Variants in SLC11A2 observed in about 807,000 individuals in gnomAD.
SLC11A2 encodes solute carrier family 11 member 2.
In SLC11A2, 38 loss-of-function variants were observed where a neutral mutation model predicts 68.0. The ratio of observed to expected loss-of-function variants is 0.56; its 90% confidence interval spans 0.43 to 0.73. SLC11A2 has a LOEUF of 0.73. Among genes scored for constraint, SLC11A2 ranks in the 30% least tolerant of loss-of-function variants. SLC11A2 has a pLI of 0.00. For synonymous variants in SLC11A2, 242 were observed against 250.6 expected (o/e 0.97, Z 0.32); for missense variants, 517 against 690.5 (o/e 0.75, Z 2.82).
At chr12:51,005,818 G>A (rs939984157) in intron 3 of SLC11A2, 15 of 537,092 alleles carry the variant, frequency 2.8e-5, no homozygotes, top group Admixed American at 2.4e-4. Context: ...GGGACACTGA[G>A]GAGAGCAAAC....
In SLC11A2 at chr12:51,010,757, G is replaced by A; in HGVS notation, c.-29C>T. On this transcript the variant is annotated 5_prime_UTR_variant, in exon 2 of 16. Coordinates refer to ENST00000262052, the MANE Select transcript of SLC11A2 (RefSeq NM_000617.3). The stretch of plus-strand genomic sequence containing the variant: ...GGATACCTGAGTGGCTGAGTTCTTA[G>A]AATATGATTCTGGAAAGGAGAAAAG... 6.3e-7 allele frequency: 1 copy of A among 1,597,276 alleles called. No homozygotes were observed. The highest frequency in any genetic ancestry group is 8.6e-7 in the Non-Finnish European group (1 of 1,167,294).
rs1941614402 is a variant in SLC11A2, at chr12:50,995,462, T to A, written c.990+167A>T. The stretch of plus-strand genomic sequence containing the variant: ...GAGGGTCCAGGCTTGGTCAGCCCCA[T>A]ACTGTAGACTCTGACTGGTGCACAG... On this transcript the variant is annotated intron_variant, in intron 10 of 15. Transcript: ENST00000262052. Among the ~76,000 whole-genome samples, 3 of 152,172 alleles carry A rather than the reference T, an allele frequency of 2.0e-5. No homozygotes were observed. In the South Asian group the frequency reaches 6.2e-4, roughly 32 times the overall value.
Position 51,008,601 on chromosome 12 carries a change from C to T in SLC11A2, c.58G>A (p.Glu20Lys). The T allele has an allele frequency of 6.2e-7, 1 of 1,612,690 alleles. No individual in the cohort carries two copies. Among genetic ancestry groups the T allele is most frequent in the Non-Finnish European group, 8.5e-7 (1 of 1,178,800 alleles). The change falls in exon 3 of 16, where the codon GAG (glutamate) becomes AAG (lysine). Residue 20 changes from glutamate to lysine, a missense_variant. Physicochemically the swap from Glu to Lys is moderately conservative, Grantham distance 56 (BLOSUM62 1). Coordinates refer to ENST00000262052, the MANE Select transcript of SLC11A2 (RefSeq NM_000617.3). ...SDDSVSGDHG[E>K]SASLGNINPA... Reference sequence around the variant, plus strand: ...TTGATGTTACCAAGACTGGCAGACTCCCCATGATCTCCAGAAACACTGTCT... The same window carrying T: ...TTGATGTTACCAAGACTGGCAGACTTCCCATGATCTCCAGAAACACTGTCT...
intron 6 of SLC11A2, 114 bp downstream of exon 6, chr12:51,000,199 A>G: frequency 1.3e-6 from 1 of 774,888 alleles, no homozygotes; most frequent in Non-Finnish European, 2.2e-6. Flanking sequence ...GTTCCACAGA[A>G]GAAATAACAA....
rs954460640 is a variant in SLC11A2 at position 50,992,730 on chromosome 12, C to CAA, written c.1197+78_1197+79dup. The CAA allele has an allele frequency of 2.6e-3, 2,384 of 929,894 alleles. 1 individual carries two copies. The highest frequency in any genetic ancestry group is 4.3e-3 in the Middle Eastern group (13 of 3,000). 57.6% of individuals were successfully genotyped at this position (929,894 alleles called of 1,614,324 possible). ...TTGGGCGACGAGTGAGACTCCATCT[C>CAA]AAAAAAAAAAAAAAAAGAAGAAGAA... On this transcript the variant is annotated intron_variant, in intron 12 of 15. Coordinates refer to ENST00000262052, the MANE Select transcript of SLC11A2 (RefSeq NM_000617.3).
chr12:51,026,105 T>C, intron 1 of SLC11A2: 1 of 1,092,738 alleles, frequency 9.2e-7, no homozygotes, highest in Non-Finnish European at 1.1e-6. Context: ...CTTTGGGTCT[T>C]TCTCTGAATG....
intron 1 of SLC11A2, among the ~76,000 whole-genome samples, chr12:51,023,433 C>T (rs773322628): frequency 2.0e-5 from 3 of 152,110 alleles, no homozygotes; most frequent in Non-Finnish European, 2.9e-5. Context: ...GGCAAGAGAG[C>T]GAGACCCTGT....
chr12:50,983,778 C>G (rs1940281438), downstream of SLC11A2, among the ~76,000 whole-genome samples: 1 of 152,124 alleles, frequency 6.6e-6, no homozygotes, highest in Non-Finnish European at 1.5e-5. Context: ...TGAGACCAGC[C>G]TGGCCAACAT....
downstream of SLC11A2, among the ~76,000 whole-genome samples, chr12:50,982,320 A>G (rs577420819): frequency 5.9e-5 from 9 of 152,188 alleles, no homozygotes; most frequent in Non-Finnish European, 1.2e-4. Context: ...GAATCACCGA[A>G]GCTGCTTTTA....
intron 1 of SLC11A2, among the ~76,000 whole-genome samples, chr12:51,025,028 C>T (rs1187578698): frequency 6.6e-6 from 1 of 152,042 alleles, no homozygotes. Context: ...TTTCATTTAC[C>T]CAACACAGGT....
rs2136221838 is a variant in SLC11A2, at chr12:50,996,874, G to A, written c.774C>T (p.Gly258=). The A allele has an allele frequency of 6.2e-7, 1 of 1,613,962 alleles. No individual in the cohort carries two copies. Among genetic ancestry groups the A allele is most frequent in the Non-Finnish European group, 8.5e-7 (1 of 1,179,916 alleles). The part of the protein sequence containing the change: ...CRTPQIEQAV[G]IVGAVIMPHN... ...GTGGCATGATGACAGCTCCCACGAT[G>A]CCCACAGCCTGTTCAATCTGTGGAG... is the stretch of plus-strand genomic sequence containing the variant. Residue 258 remains glycine, a synonymous_variant, in exon 9 of 16, where the codon GGC becomes GGT. Coordinates refer to ENST00000262052, the MANE Select transcript of SLC11A2 (RefSeq NM_000617.3).
Position 50,992,080 on chromosome 12 carries a change from C to T in SLC11A2, c.1347+110G>A, listed in dbSNP as rs576826755. On this transcript the variant is annotated intron_variant, in intron 13 of 15. Transcript: ENST00000262052. ...CATTTACTGCAGACCACAACCATGC[C>T]TCTGTCTTCCTCTCAATATCCCCCC... 13 of 1,064,262 alleles carry T rather than the reference C, an allele frequency of 1.2e-5. No homozygotes were observed. The African/African-American group carries it at 1.6e-4, about 13-fold the overall frequency. 65.9% of individuals were successfully genotyped at this position (1,064,262 alleles called of 1,614,324 possible).
In SLC11A2 at chr12:50,999,376, A is replaced by G. The variant is rs1331964741; in HGVS notation, c.576T>C (p.Asp192=). 6.2e-7 allele frequency: 1 copy of G among 1,614,058 alleles called. No homozygotes were observed. The part of the protein sequence containing the change: ...LWGGVLITIA[D]TFVFLFLDKY... ...TGTCCAAGAAGAGAAATACAAAAGT[A>G]TCTGCAATGGTGATGAGAACGCCAC... The change falls in exon 7 of 16, where the codon GAT becomes GAC. Residue 192 remains aspartate (D), a synonymous_variant. Coordinates refer to ENST00000262052, the MANE Select transcript of SLC11A2 (RefSeq NM_000617.3).
chr12:50,986,364 T>C lies in SLC11A2; in HGVS notation c.*1961A>G. 3.1e-6 allele frequency: 4 copies of C among 1,279,954 alleles called. No homozygotes were observed. Among genetic ancestry groups the C allele is most frequent in the Non-Finnish European group, 3.1e-6 (3 of 982,030 alleles). 79.3% of individuals were successfully genotyped at this position (1,279,954 alleles called of 1,614,324 possible). Reference sequence around the variant, plus strand: ...GATCAAATGCAATAACGTATGAGGGTATTTTTAACACTGTGAAGTACACAC... The same window carrying C: ...GATCAAATGCAATAACGTATGAGGGCATTTTTAACACTGTGAAGTACACAC... On this transcript the variant is annotated 3_prime_UTR_variant, in exon 16 of 16. Transcript: ENST00000262052.
At chr12:50,964,008 G>A in the SLC11A2 span, among the ~76,000 whole-genome samples, 27,751 of 152,074 alleles carry the variant, frequency 0.18, 2,891 homozygotes, top group East Asian at 0.5. Context: ...CCCTTCATAC[G>A]TCTTTGGATG....
At chr12:51,028,177 T>G (rs1030663136), upstream of SLC11A2, 25 of 1,532,340 alleles carry the variant, frequency 1.6e-5, no homozygotes, top group African/African-American at 2.9e-4. Context: ...GGCTACTTAC[T>G]TAGTTCACAG....
intron 1 of SLC11A2, among the ~76,000 whole-genome samples, chr12:51,022,342 C>T (rs1366860350): frequency 2.0e-5 from 3 of 148,182 alleles, no homozygotes; most frequent in East Asian, 2.0e-4. Context: ...GAGGCTGAGG[C>T]GGGAGGATTG....
Position 50,987,794 on chromosome 12 carries a change from G to A in SLC11A2, c.*531C>T. 7.8e-7 allele frequency: 1 copy of A among 1,273,972 alleles called. No homozygotes were observed. The highest frequency in any genetic ancestry group is 1.0e-6 in the Non-Finnish European group (1 of 983,800). 78.9% of individuals were successfully genotyped at this position (1,273,972 alleles called of 1,614,324 possible). ...AATCCTAAGCCTGATAGAGCTAGGTGTCTCTTCATTTTATATTTCATATGG... is the reference window on the plus strand; with the variant it reads ...AATCCTAAGCCTGATAGAGCTAGGTATCTCTTCATTTTATATTTCATATGG... On this transcript the variant is annotated 3_prime_UTR_variant, in exon 16 of 16. Coordinates refer to ENST00000262052, the MANE Select transcript of SLC11A2 (RefSeq NM_000617.3).
At chr12:50,992,383 C>A (rs767267346) in intron 12 of SLC11A2, 44 bp from the exon 13 acceptor site, 51 of 1,602,036 alleles carry the variant, frequency 3.2e-5, no homozygotes, top group Admixed American at 5.1e-5. Context: ...CAACAGGAAA[C>A]AAAAAAAAGT....
Sources: gnomAD v4.1 joint callset for allele counts (sites outside exome capture counted in the v4.1 genomes callset) on GRCh38, gnomAD v4.1.1 for gene constraint, MANE v1.5 for transcripts, NCBI Gene and HGNC (gene_info 2026-07-23, HGNC 2026-07-21) for gene names.